The following STX8 variants were observed in gnomAD, a reference collection of about 807,000 sequenced individuals.
STX8 encodes the protein syntaxin-8.
In STX8, 23 loss-of-function variants were observed where a neutral mutation model predicts 37.5. The observed-to-expected ratio is 0.61, with a 90% CI of 0.44 to 0.87. The LOEUF is 0.87. Among genes scored for constraint, STX8 ranks in the 40% least tolerant of loss-of-function variants. The pLI is 0.00. For synonymous variants in STX8, 115 were observed against 99.1 expected, an observed-to-expected ratio of 1.16 and a Z score of -0.95; for missense variants, 313 against 284.7, an observed-to-expected ratio of 1.10 and a Z score of -0.71.
At chr17:9,345,874 G>T (rs1910516116) in intron 7 of STX8, among the ~76,000 whole-genome samples, 2 of 3,830 alleles carry the variant, frequency 5.2e-4, no homozygotes, top group East Asian at 8.8e-3. Flanking sequence ...TTTTTGAGAT[G>T]GAGTTTCACT....
chr17:9,378,627 C>T lies in STX8; in HGVS notation c.568G>A (p.Val190Met), dbSNP rs756034131. The change falls in exon 7 of 8, where the codon GTG becomes ATG. Residue 190 changes from valine (V) to methionine (M), a missense_variant. Val to Met is a conservative substitution (Grantham distance 21). Coordinates refer to ENST00000306357, the MANE Select transcript of STX8 (RefSeq NM_004853.3). Reference protein sequence around the residue: ...NEIIDDLANLVENTDEKLRNE... With the variant: ...NEIIDDLANLMENTDEKLRNE... ...CGAAGTTTTTCATCTGTGTTCTCCA[C>T]TAGGTTGGCAAGGTCGTCAATTATC... 6.2e-7 allele frequency: 1 copy of T among 1,613,774 alleles called. No individual in the cohort carries two copies. Among genetic ancestry groups the T allele is most frequent in the East Asian group, 2.2e-5 (1 of 44,864 alleles).
intron 6 of STX8, among the ~76,000 whole-genome samples, chr17:9,451,790 CAG>C (rs34073862): frequency 0.25 from 36,897 of 149,182 alleles, 4,680 homozygotes; most frequent in Middle Eastern, 0.33. Context: ...TACATATATA[CAG>C]AGAGAGAGAG....
intron 7 of STX8, among the ~76,000 whole-genome samples, chr17:9,323,138 GA>G (rs1472836419): frequency 4.9e-4 from 75 of 152,150 alleles, no homozygotes; most frequent in African/African-American, 1.7e-3. Context: ...GTTTTCTTTT[GA>G]GGCAGAACTT....
In STX8 at chr17:9,258,368, G is replaced by A. The variant is rs942455458; in HGVS notation, c.644-7723C>T. ...AAGAAAAGAGTAGACGCCGTGCAGA[G>A]AAGGTGAGCGTATTTACATTCTGAT... On this transcript the variant is annotated intron_variant, in intron 7 of 7. Coordinates refer to ENST00000306357, the MANE Select transcript of STX8 (RefSeq NM_004853.3). 6.6e-5 allele frequency among the ~76,000 whole-genome samples: 10 copies of A among 152,368 alleles called. No individual in the cohort carries two copies. The East Asian group carries it at 7.7e-4, about 12-fold the overall frequency.
At chr17:9,343,698 A>C (rs935210835) in intron 7 of STX8, among the ~76,000 whole-genome samples, 24 of 152,152 alleles carry the variant, frequency 1.6e-4, no homozygotes, top group African/African-American at 5.1e-4. Context: ...CAGATAAGCC[A>C]GCAGACTTCT....
chr17:9,564,483 A>G (rs1907378205), intron 2 of STX8, among the ~76,000 whole-genome samples: 4 of 152,218 alleles, frequency 2.6e-5, no homozygotes, highest in Admixed American at 2.6e-4. Context: ...CCAAAAGCTC[A>G]TTAAGCTTAT....
At chr17:9,276,443 C>T (rs1907679339) in intron 7 of STX8, among the ~76,000 whole-genome samples, 1 of 151,910 alleles carries the variant, frequency 6.6e-6, no homozygotes, top group Non-Finnish European at 1.5e-5. Context: ...GTGCTTTAAA[C>T]GAGGGACAGA....
intron 7 of STX8, among the ~76,000 whole-genome samples, chr17:9,375,939 CATG>C (rs1032940593): frequency 1.3e-5 from 2 of 152,150 alleles, no homozygotes; most frequent in Non-Finnish European, 1.5e-5. Flanking sequence ...AGCTCACTCT[CATG>C]ATATCTATGC....
intron 6 of STX8, among the ~76,000 whole-genome samples, chr17:9,386,145 C>T (rs1414483241): frequency 6.8e-6 from 1 of 147,682 alleles, no homozygotes; most frequent in Non-Finnish European, 1.5e-5. Context: ...ATATACATAG[C>T]AACCTTATTC....
chr17:9,400,914 T>C (rs1428398939), intron 6 of STX8, among the ~76,000 whole-genome samples: 3 of 152,216 alleles, frequency 2.0e-5, no homozygotes, highest in African/African-American at 7.2e-5. Context: ...TAGAAAATGC[T>C]GTACAGTTTT....
At chr17:9,345,680 T>G (rs1910506670) in intron 7 of STX8, among the ~76,000 whole-genome samples, 2 of 107,724 alleles carry the variant, frequency 1.9e-5, no homozygotes, top group Non-Finnish European at 3.9e-5. Flanking sequence ...AACATATCCC[T>G]TATCTCACAT....
intron 6 of STX8, among the ~76,000 whole-genome samples, chr17:9,434,911 G>A (rs1429564312): frequency 1.3e-5 from 2 of 152,198 alleles, no homozygotes; most frequent in Non-Finnish European, 2.9e-5. Context: ...ATGGCATGTT[G>A]CCACGGCATT....
chr17:9,334,238 A>G (rs1301975471), intron 7 of STX8, among the ~76,000 whole-genome samples: 2 of 152,068 alleles, frequency 1.3e-5, no homozygotes, highest in African/African-American at 4.8e-5. Flanking sequence ...TCTGGAAACC[A>G]TCTCAAGTCC....
rs564610407 is a variant in STX8 at position 9,274,467 on chromosome 17, G to A, written c.644-23822C>T. On this transcript the variant is annotated intron_variant, in intron 7 of 7. Transcript: ENST00000306357. ...TGAGGCGGGCGGATCACAAGGTCAG[G>A]AGATCGAGACCATCCTGGCTAACAC... Among the ~76,000 whole-genome samples the A allele has an allele frequency of 2.6e-5, 4 of 151,964 alleles. No homozygotes were observed. The East Asian group carries it at 7.8e-4, about 30-fold the overall frequency.
intron 7 of STX8, among the ~76,000 whole-genome samples, chr17:9,258,108 A>C (rs1406278960): frequency 1.3e-5 from 2 of 152,332 alleles, no homozygotes; most frequent in East Asian, 3.9e-4. Flanking sequence ...AACAGAGGAC[A>C]CTTCTTAGGG....
chr17:9,475,898 G>T (rs1167845182), intron 6 of STX8, among the ~76,000 whole-genome samples: 1 of 152,078 alleles, frequency 6.6e-6, no homozygotes, highest in Non-Finnish European at 1.5e-5. Flanking sequence ...CTTGCCTAAA[G>T]GGCCGCCCGT....
intron 6 of STX8, among the ~76,000 whole-genome samples, chr17:9,443,872 T>C (rs1400243450): frequency 6.6e-6 from 1 of 152,190 alleles, no homozygotes; most frequent in Non-Finnish European, 1.5e-5. Flanking sequence ...AGGCGGACCA[T>C]CAGCTCTTAT....
At chr17:9,359,384 G>C (rs1011424522) in intron 7 of STX8, among the ~76,000 whole-genome samples, 1 of 152,064 alleles carries the variant, frequency 6.6e-6, no homozygotes, top group Non-Finnish European at 1.5e-5. Context: ...CTGGCCCTGG[G>C]AAGAAAGGTT....
At chr17:9,423,457 C>A (rs1470541518) in intron 6 of STX8, among the ~76,000 whole-genome samples, 1 of 152,174 alleles carries the variant, frequency 6.6e-6, no homozygotes, top group Non-Finnish European at 1.5e-5. Flanking sequence ...TCCTGAGTAA[C>A]TGGGATTACA....
Sources: gnomAD v4.1 joint callset for allele counts (sites outside exome capture counted in the v4.1 genomes callset) on GRCh38, gnomAD v4.1.1 for gene constraint, MANE v1.5 for transcripts, NCBI Gene and HGNC (gene_info 2026-07-23, HGNC 2026-07-21) for gene names.